CDK13: variants seen among roughly 807,000 people sequenced by gnomAD.
The protein encoded by CDK13 is cyclin-dependent kinase 13.
In CDK13, 40 loss-of-function variants were observed where a neutral mutation model predicts 137.6. That is an observed-to-expected ratio of 0.29 (90% CI 0.23 to 0.38). The LOEUF (loss-of-function observed/expected upper bound fraction) is 0.38, where lower values mean the gene tolerates loss of function less well. CDK13 is among the 10% of genes least tolerant of loss of function. The pLI is 1.00. For missense variants in CDK13, 1,704 were observed against 1,951.8 expected (o/e 0.87, Z 2.39); for synonymous variants, 869 against 760.1 (o/e 1.14, Z -2.36).
intron 1 of CDK13, among the ~76,000 whole-genome samples, chr7:39,966,576 A>T (rs930435475): frequency 6.6e-6 from 1 of 151,964 alleles, no homozygotes; most frequent in Non-Finnish European, 1.5e-5. Context: ...AGCTCGGAGT[A>T]GTTTGATTGT....
intron 5 of CDK13, among the ~76,000 whole-genome samples, chr7:40,032,923 C>G (rs1054187934): frequency 6.6e-6 from 1 of 152,174 alleles, no homozygotes; most frequent in African/African-American, 2.4e-5. Context: ...ATAATCCACA[C>G]AATAACTTGC....
intron 1 of CDK13, among the ~76,000 whole-genome samples, chr7:39,953,741 A>ACTGGTGCT (rs1787315421): frequency 6.6e-6 from 1 of 152,172 alleles, no homozygotes; most frequent in Non-Finnish European, 1.5e-5. Flanking sequence ...CAGTATTTCT[A>ACTGGTGCT]AAGAGTTGAA....
In CDK13 at chr7:40,095,210, CA is replaced by C; in HGVS notation, c.*232del. ...GTACATCTTCACAAATTCTAGTTAA[CA>C]ATTTTATTTTGTATTCTTGCAGTTT... On this transcript the variant is annotated 3_prime_UTR_variant, in exon 14 of 14. Coordinates refer to ENST00000181839, the MANE Select transcript of CDK13 (RefSeq NM_003718.5). 2 of 328,082 alleles carry C rather than the reference CA, an allele frequency of 6.1e-6. No homozygotes were observed. Among genetic ancestry groups the C allele is most frequent in the Non-Finnish European group, 1.1e-5 (2 of 184,710 alleles). The allele number at this position is 328,082 out of a possible 1,614,324, so 20.3% of individuals were successfully genotyped here.
intron 5 of CDK13, among the ~76,000 whole-genome samples, chr7:40,015,093 G>A (rs962529885): frequency 2.6e-5 from 4 of 152,128 alleles, no homozygotes; most frequent in Admixed American, 2.0e-4. Context: ...ATGTCTTAAA[G>A]GAAAAAAGCT....
intron 5 of CDK13, among the ~76,000 whole-genome samples, chr7:40,022,039 C>T (rs769757426): frequency 5.9e-5 from 9 of 152,100 alleles, no homozygotes; most frequent in Non-Finnish European, 1.0e-4. Flanking sequence ...ACGTTGAGGG[C>T]GAGTATTTAC....
intron 2 of CDK13, among the ~76,000 whole-genome samples, chr7:39,991,777 C>T (rs1235856337): frequency 6.6e-6 from 1 of 151,968 alleles, no homozygotes; most frequent in Non-Finnish European, 1.5e-5. Flanking sequence ...TGTGGTGGCT[C>T]ACAGTTGTAA....
intron 1 of CDK13, among the ~76,000 whole-genome samples, chr7:39,979,903 G>A (rs1218393923): frequency 6.6e-6 from 1 of 152,144 alleles, no homozygotes; most frequent in Non-Finnish European, 1.5e-5. Context: ...GTGATGTAAG[G>A]TTTTGAGCCA....
intron 1 of CDK13, among the ~76,000 whole-genome samples, chr7:39,979,016 T>C (rs1193079080): frequency 6.6e-6 from 1 of 152,026 alleles, no homozygotes; most frequent in Non-Finnish European, 1.5e-5. Context: ...AGACTAGGAA[T>C]GGGATTGTGT....
At chr7:39,995,975 A>G (rs564795480) in intron 2 of CDK13, among the ~76,000 whole-genome samples, 1 of 152,328 alleles carries the variant, frequency 6.6e-6, no homozygotes, top group South Asian at 2.1e-4. Flanking sequence ...ATGCCACTGC[A>G]CTCCAGCCTG....
intron 2 of CDK13, among the ~76,000 whole-genome samples, chr7:39,997,293 A>G (rs1482327270): frequency 6.6e-6 from 1 of 152,114 alleles, no homozygotes; most frequent in Non-Finnish European, 1.5e-5. Context: ...ACCTAATTCT[A>G]TATCATTTTT....
chr7:40,088,472 G>T (rs1233955297), intron 12 of CDK13, 141 bp downstream of exon 12: 2 of 688,300 alleles, frequency 2.9e-6, no homozygotes, highest in Admixed American at 5.9e-5. Flanking sequence ...CTTTGTGCCA[G>T]TACAGAAGTT....
rs373032036 is a variant in CDK13, at chr7:39,990,267, C to T, written c.1871+2009C>T. Among the ~76,000 whole-genome samples, 149 of 151,980 alleles carry T rather than the reference C, an allele frequency of 9.8e-4. 1 individual carries two copies. The highest frequency in any genetic ancestry group is 3.5e-3 in the African/African-American group (144 of 41,446). On this transcript the variant is annotated intron_variant, in intron 2 of 13. Coordinates refer to ENST00000181839, the MANE Select transcript of CDK13 (RefSeq NM_003718.5). Reference sequence around the variant, plus strand: ...TGATTCACCTTTTCTGTCTCCTCTCCTTTTCCCCCTTTTTGTTGTCTCTTC... The same window carrying T: ...TGATTCACCTTTTCTGTCTCCTCTCTTTTTCCCCCTTTTTGTTGTCTCTTC...
intron 1 of CDK13, among the ~76,000 whole-genome samples, chr7:39,965,163 A>G (rs1783839420): frequency 6.6e-6 from 1 of 152,164 alleles, no homozygotes; most frequent in Non-Finnish European, 1.5e-5. Flanking sequence ...AGCTGAGTTC[A>G]ATTCCTGGAT....
chr7:39,974,140 A>G (rs1378882507), intron 1 of CDK13, among the ~76,000 whole-genome samples: 1 of 152,202 alleles, frequency 6.6e-6, no homozygotes, highest in Non-Finnish European at 1.5e-5. Flanking sequence ...TTTGATAGGG[A>G]GTACATTGAT....
chr7:40,034,667 T>G (rs984270627), intron 5 of CDK13, among the ~76,000 whole-genome samples: 7 of 152,210 alleles, frequency 4.6e-5, no homozygotes, highest in Non-Finnish European at 7.3e-5. Context: ...TTACATTTAC[T>G]CTTAAAAGTG....
intron 7 of CDK13, among the ~76,000 whole-genome samples, chr7:40,054,447 T>A (rs1025286622): frequency 1.3e-5 from 2 of 152,122 alleles, no homozygotes; most frequent in African/African-American, 4.8e-5. Flanking sequence ...TTTTTTTTTT[T>A]GAGATGGAGT....
intron 5 of CDK13, among the ~76,000 whole-genome samples, chr7:40,016,660 G>T (rs1785010736): frequency 6.6e-6 from 1 of 152,092 alleles, no homozygotes. Context: ...AGGAGGCATA[G>T]TTCTTCTTTA....
chr7:40,080,536 G>A (rs1267269), intron 11 of CDK13, among the ~76,000 whole-genome samples: 146,218 of 152,200 alleles, frequency 0.96, 70,274 homozygotes, highest in East Asian at 1. Flanking sequence ...GGATGATTTG[G>A]GAGCCAAAAA....
Position 39,951,453 on chromosome 7 carries a change from G to A in CDK13, c.812G>A (p.Arg271His), listed in dbSNP as rs2116064778. The change falls in exon 1 of 14, where the codon CGC (arginine) becomes CAC (histidine). Residue 271 changes from arginine to histidine, a missense_variant. Coordinates refer to ENST00000181839, the MANE Select transcript of CDK13 (RefSeq NM_003718.5). ...GCCACATCCAGCAGCAGTAGCAGCC[G>A]CAAGGACCGGGACTCGAAGGCCCAC... Reference protein sequence around the residue: ...ASATSSSSSSRKDRDSKAHRS... With the variant: ...ASATSSSSSSHKDRDSKAHRS... 1 of 1,537,194 alleles carries A rather than the reference G, an allele frequency of 6.5e-7. No individual in the cohort carries two copies. The highest frequency in any genetic ancestry group is 8.8e-7 in the Non-Finnish European group (1 of 1,142,656).
Sources: gnomAD v4.1 joint callset for allele counts (sites outside exome capture counted in the v4.1 genomes callset) on GRCh38, gnomAD v4.1.1 for gene constraint, MANE v1.5 for transcripts, NCBI Gene and HGNC (gene_info 2026-07-23, HGNC 2026-07-21) for gene names.